VIRMA: variants seen among roughly 807,000 people sequenced by gnomAD.
VIRMA encodes the protein protein virilizer homolog.
A neutral mutation model predicts 182.4 loss-of-function variants in VIRMA; 65 were observed. The observed-to-expected ratio is 0.36, with a 90% CI of 0.29 to 0.44. The LOEUF is 0.44. Ranked by LOEUF, VIRMA falls within the 20% of genes least tolerant of loss-of-function variation. The pLI, the probability that VIRMA is intolerant of heterozygous loss-of-function variation, is 1.00. For missense variants in VIRMA, 1,752 were observed against 2,158.1 expected (o/e 0.81, Z 3.73); for synonymous variants, 709 against 743.1 (o/e 0.95, Z 0.75).
chr8:94,507,886 T>TATATATGTATATATATGC (rs1814216621), intron 15 of VIRMA, among the ~76,000 whole-genome samples: 1 of 147,546 alleles, frequency 6.8e-6, no homozygotes, highest in Non-Finnish European at 1.5e-5. Flanking sequence ...TATATACATG[T>TATATATGTATATATATGC]ATATATGTAT....
chr8:94,532,298 G>C (rs1049476456), intron 5 of VIRMA, among the ~76,000 whole-genome samples: 3 of 152,154 alleles, frequency 2.0e-5, no homozygotes, highest in Admixed American at 1.3e-4. Context: ...GTAGACATGA[G>C]GTTTCACCAT....
chr8:94,502,813 G>A (rs1004972080), intron 16 of VIRMA, among the ~76,000 whole-genome samples: 9 of 152,052 alleles, frequency 5.9e-5, no homozygotes, highest in African/African-American at 1.9e-4. Flanking sequence ...AAACCGGAAC[G>A]TTCTGCACAT....
chr8:94,491,552 T>C, intron 22 of VIRMA, 26 bp downstream of exon 22: 2 of 1,554,308 alleles, frequency 1.3e-6, no homozygotes, highest in Non-Finnish European at 1.8e-6. Flanking sequence ...TTCTAACCCA[T>C]TAGAAAATAC....
In VIRMA at chr8:94,529,140, T is replaced by C. The variant is rs143262478; in HGVS notation, c.810A>G (p.Thr270=). 7 of 1,451,364 alleles carry C rather than the reference T, an allele frequency of 4.8e-6. No homozygotes were observed. The highest frequency in any genetic ancestry group is 1.1e-5 in the South Asian group (1 of 87,468). The allele number at this position is 1,451,364 out of a possible 1,614,324, so 89.9% of individuals were successfully genotyped here. A position where few individuals can be genotyped will look rare whatever the true frequency, so the allele number is the denominator to read the frequency against. ...CTTCCTCCTCAGGAATACTGTCTAC[T>C]GTTCGTCGATCATCCTCATCCTCAT... The part of the protein sequence containing the change: ...EEDEDEDDRR[T]VDSIPEEEEE... The change falls in exon 7 of 24, where the codon ACA becomes ACG. Residue 270 remains threonine, a synonymous_variant. Coordinates refer to ENST00000297591, the MANE Select transcript of VIRMA (RefSeq NM_015496.5).
At chr8:94,543,801 T>C in intron 2 of VIRMA, 26 bp downstream of exon 2, 1 of 1,266,480 alleles carries the variant, frequency 7.9e-7, no homozygotes, top group Non-Finnish European at 1.1e-6. Context: ...AACCAAAAAA[T>C]ACTTTTAAAA....
At chr8:94,506,424 T>C (rs1814155950) in intron 16 of VIRMA, 76 bp downstream of exon 16, 1 of 901,606 alleles carries the variant, frequency 1.1e-6, no homozygotes, top group South Asian at 1.7e-5. Flanking sequence ...TAGGTATGAA[T>C]TAATGTGGGG....
At position 94,537,166 on chromosome 8, in the gene VIRMA, G is replaced by C; in HGVS notation, c.267-15C>G. 6.5e-7 allele frequency: 1 copy of C among 1,548,210 alleles called. No homozygotes were observed. The highest frequency in any genetic ancestry group is 8.9e-7 in the Non-Finnish European group (1 of 1,120,522). ...CATATTCCAGGCTGTCAAGAGAGTA[G>C]AAATAAATATGTAAGCTCAAACACT... is the stretch of plus-strand genomic sequence containing the variant. On this transcript the variant is annotated splice_polypyrimidine_tract_variant and intron_variant, in intron 3 of 23. Transcript: ENST00000297591.
chr8:94,507,969 GTATATATGTA>G (rs1480572455), intron 15 of VIRMA, among the ~76,000 whole-genome samples: 1 of 141,350 alleles, frequency 7.1e-6, no homozygotes, highest in African/African-American at 3.0e-5. Flanking sequence ...ATACATATGT[GTATATATGTA>G]TATATGTGTA....
chr8:94,506,600 T>A lies in VIRMA; in HGVS notation c.3997A>T (p.Thr1333Ser). Reference protein sequence around the residue: ...MTSICDCLLATLANSESSYNC... With the variant: ...MTSICDCLLASLANSESSYNC... Reference sequence around the variant, plus strand: ...TAACTGCTCTCAGAGTTAGCTAGCGTAGCCAACAGACAGTCACAGATTGAG... The same window carrying A: ...TAACTGCTCTCAGAGTTAGCTAGCGAAGCCAACAGACAGTCACAGATTGAG... Residue 1333 changes from threonine (T) to serine (S), a missense_variant, in exon 16 of 24, where the codon ACG (threonine) becomes TCG (serine). This residue lies in a region of VIRMA where 777 missense variants were observed against 920.6 expected (regional missense o/e 0.84). Transcript: ENST00000297591. 2 of 1,613,710 alleles carry A rather than the reference T, an allele frequency of 1.2e-6. No homozygotes were observed. The highest frequency in any genetic ancestry group is 2.2e-5 in the South Asian group (2 of 91,084).
chr8:94,498,175 T>C (rs12334369), intron 17 of VIRMA: 1 of 152,134 alleles, frequency 6.6e-6, no homozygotes, highest in Admixed American at 6.6e-5. Context: ...CCAAACTAAG[T>C]AAGGCAGGCA....
At chr8:94,503,214 G>C (rs2130285958) in intron 16 of VIRMA, among the ~76,000 whole-genome samples, 1 of 152,266 alleles carries the variant, frequency 6.6e-6, no homozygotes, top group South Asian at 2.1e-4. Context: ...TAGGATATGT[G>C]GATATCATAA....
At chr8:94,525,209 AG>A (rs757505372) in intron 8 of VIRMA, among the ~76,000 whole-genome samples, 5 of 152,226 alleles carry the variant, frequency 3.3e-5, no homozygotes, top group Admixed American at 6.5e-5. Flanking sequence ...CTTGAACCAA[AG>A]GGGAGAGTTG....
intron 1 of VIRMA, chr8:94,546,702 C>T (rs1042854683): frequency 3.0e-6 from 1 of 330,696 alleles, no homozygotes; most frequent in Non-Finnish European, 6.0e-6. Flanking sequence ...GTCTTTTATC[C>T]CTCACCCCCG....
In VIRMA at chr8:94,527,159, T is replaced by C. The variant is rs772203263; in HGVS notation, c.1085A>G (p.Glu362Gly). 1 of 1,614,154 alleles carries C rather than the reference T, an allele frequency of 6.2e-7. No individual in the cohort carries two copies. The highest frequency in any genetic ancestry group is 8.5e-7 in the Non-Finnish European group (1 of 1,180,026). ...SCPYKTTFEI[E>G]ISRMKDQGPD... ...ACCTTGATCCTTCATTCTACTGATT[T>C]CAATTTCAAAAGTAGTCTTGTATGG... The change falls in exon 8 of 24, where the codon GAA (glutamate) becomes GGA (glycine). Residue 362 changes from glutamate to glycine, a missense_variant. Transcript: ENST00000297591.
In VIRMA at chr8:94,529,107, A is replaced by C; in HGVS notation, c.843T>G (p.Asp281Glu). 1 of 1,553,456 alleles carries C rather than the reference A, an allele frequency of 6.4e-7. No homozygotes were observed. The highest frequency in any genetic ancestry group is 8.9e-7 in the Non-Finnish European group (1 of 1,125,442). Residue 281 changes from aspartate (D) to glutamate (E), a missense_variant, in exon 7 of 24, where the codon GAT becomes GAG. Asp to Glu is a conservative substitution (Grantham distance 45). Coordinates refer to ENST00000297591, the MANE Select transcript of VIRMA (RefSeq NM_015496.5). Reference protein sequence around the residue: ...VDSIPEEEEEDEEEEGEEDEE... With the variant: ...VDSIPEEEEEEEEEEGEEDEE... The stretch of plus-strand genomic sequence containing the variant: ...CATCCTCTTCACCTTCTTCCTCTTC[A>C]TCTTCCTCTTCCTCCTCAGGAATAC...
At chr8:94,548,800 C>T (rs1339406388) in intron 1 of VIRMA, among the ~76,000 whole-genome samples, 3 of 152,134 alleles carry the variant, frequency 2.0e-5, no homozygotes, top group Non-Finnish European at 4.4e-5. Context: ...GGACTACAGG[C>T]GCATACCATC....
At position 94,503,059 on chromosome 8, in the gene VIRMA, T is replaced by C. The variant is rs1443376533; in HGVS notation, c.4097+3441A>G. Among the ~76,000 whole-genome samples, 9 of 151,952 alleles carry C rather than the reference T, an allele frequency of 5.9e-5. No individual in the cohort carries two copies. In the East Asian group the frequency reaches 1.7e-3, roughly 29 times the overall value. On this transcript the variant is annotated intron_variant, in intron 16 of 23. Coordinates refer to ENST00000297591, the MANE Select transcript of VIRMA (RefSeq NM_015496.5). ...CCAATGCAGGAGAAGCAACAACTCT[T>C]CCTTATGGAAGGAAAATTAGTAAGT...
intron 13 of VIRMA, 27 bp downstream of exon 13, chr8:94,511,158 A>G (rs746268687): frequency 1.9e-6 from 3 of 1,595,912 alleles, no homozygotes; most frequent in Non-Finnish European, 2.6e-6. Context: ...AGTCATTTAT[A>G]AGATGCATGT....
chr8:94,545,356 C>T (rs1319226023), intron 1 of VIRMA, among the ~76,000 whole-genome samples: 1 of 152,126 alleles, frequency 6.6e-6, no homozygotes, highest in African/African-American at 2.4e-5. Context: ...GAATGGCTCA[C>T]ATTATTTGCA....
Sources: gnomAD v4.1 joint callset for allele counts (sites outside exome capture counted in the v4.1 genomes callset) on GRCh38, gnomAD v4.1.1 for gene constraint, gnomAD v4.1.1 regional missense constraint, MANE v1.5 for transcripts, NCBI Gene and HGNC (gene_info 2026-07-23, HGNC 2026-07-21) for gene names.